The following TBC1D16 variants were observed in gnomAD, a reference collection of about 807,000 sequenced individuals.
TBC1D16 encodes the protein CTD-2529O21.1.
In TBC1D16, 58 loss-of-function variants were observed where a neutral mutation model predicts 74.7. That is an observed-to-expected ratio of 0.78 (90% CI 0.63 to 0.97). The LOEUF is 0.97. TBC1D16 is among the 50% of genes least tolerant of loss of function. TBC1D16 has a pLI of 0.00. For synonymous variants in TBC1D16, 493 were observed against 474.7 expected, an observed-to-expected ratio of 1.04 and a Z score of -0.50; for missense variants, 1,014 against 1,079.5, an observed-to-expected ratio of 0.94 and a Z score of 0.85.
intron 9 of TBC1D16, among the ~76,000 whole-genome samples, chr17:79,946,498 T>G (rs1442940693): frequency 6.6e-6 from 1 of 152,188 alleles, no homozygotes; most frequent in East Asian, 1.9e-4. Flanking sequence ...GATCCCATTC[T>G]ATGAGACACA....
At chr17:80,003,433 A>G (rs564456650) in intron 3 of TBC1D16, among the ~76,000 whole-genome samples, 4 of 152,138 alleles carry the variant, frequency 2.6e-5, no homozygotes, top group Admixed American at 6.5e-5. Flanking sequence ...ACGGGACCCA[A>G]GGTGGCAGGC....
rs962590547 is a variant in TBC1D16 at position 79,971,887 on chromosome 17, G to A, written c.780-19069C>T. 6.6e-6 allele frequency among the ~76,000 whole-genome samples: 1 copy of A among 152,176 alleles called. No homozygotes were observed. Among genetic ancestry groups the A allele is most frequent in the Non-Finnish European group, 1.5e-5 (1 of 68,032 alleles). Reference sequence around the variant, plus strand: ...GGTGGCATGGGGGCTGGCTGTGGGGGTCTTTGTGGGGAAGAAAGAGCCTGA... The same window carrying A: ...GGTGGCATGGGGGCTGGCTGTGGGGATCTTTGTGGGGAAGAAAGAGCCTGA... On this transcript the variant is annotated intron_variant, in intron 3 of 11. Coordinates refer to ENST00000310924, the MANE Select transcript of TBC1D16 (RefSeq NM_019020.4). This position sits in a 1 kb window ranked among gnomAD's most constrained non-coding sequence, Gnocchi z 4.6.
In TBC1D16 at chr17:80,009,519, G is replaced by T. The variant is rs1345138996; in HGVS notation, c.779+641C>A. ...AGCTCCTGCAAGTGTGGCCAGCAAG[G>T]AGTCCAGATACTCTGGCTGGACTCC... On this transcript the variant is annotated intron_variant, in intron 3 of 11. Transcript: ENST00000310924. This position sits in a 1 kb window ranked among gnomAD's most constrained non-coding sequence, Gnocchi z 5.4. 6.6e-6 allele frequency among the ~76,000 whole-genome samples: 1 copy of T among 152,228 alleles called. No individual in the cohort carries two copies. The highest frequency in any genetic ancestry group is 2.4e-5 in the African/African-American group (1 of 41,454).
Position 79,949,750 on chromosome 17 carries a change from T to A in TBC1D16, c.1373A>T (p.Lys458Met), listed in dbSNP as rs754510575. 1 of 1,613,198 alleles carries A rather than the reference T, an allele frequency of 6.2e-7. No individual in the cohort carries two copies. The highest frequency in any genetic ancestry group is 8.5e-7 in the Non-Finnish European group (1 of 1,179,838). Residue 458 changes from lysine to methionine, a missense_variant, in exon 7 of 12, where the codon AAG (lysine) becomes ATG (methionine). Physicochemically the swap from Lys to Met is moderately conservative, Grantham distance 95. Transcript: ENST00000310924. ...SEEREALRLQ[K>M]RKEYSEIQQK... ...CTGGATCTCAGAGTACTCCTTTCGCTTCTGCAGCCGCAGCGCCTCCCGCTC... is the reference window on the plus strand; with the variant it reads ...CTGGATCTCAGAGTACTCCTTTCGCATCTGCAGCCGCAGCGCCTCCCGCTC...
chr17:79,978,641 C>T (rs752989558), intron 3 of TBC1D16, among the ~76,000 whole-genome samples: 10 of 152,212 alleles, frequency 6.6e-5, no homozygotes, highest in Non-Finnish European at 1.5e-4. Flanking sequence ...AGTTTCTGAG[C>T]TTCCGTGGGT....
chr17:80,021,273 A>C lies in TBC1D16; in HGVS notation c.-62-7664T>G, dbSNP rs1045237243. On this transcript the variant is annotated intron_variant, in intron 1 of 11. Coordinates refer to ENST00000310924, the MANE Select transcript of TBC1D16 (RefSeq NM_019020.4). Reference sequence around the variant, plus strand: ...TCTCAAAAAACAAAAACAAACAAACAAACCAGCCTGGGCAACATAACAAGA... The same window carrying C: ...TCTCAAAAAACAAAAACAAACAAACCAACCAGCCTGGGCAACATAACAAGA... 6.7e-5 allele frequency among the ~76,000 whole-genome samples: 10 copies of C among 148,622 alleles called. 1 individual carries two copies. In the South Asian group the frequency reaches 1.3e-3, roughly 19 times the overall value.
At chr17:80,032,214 A>G (rs1238734349) in intron 1 of TBC1D16, among the ~76,000 whole-genome samples, 1 of 152,192 alleles carries the variant, frequency 6.6e-6, no homozygotes, top group Non-Finnish European at 1.5e-5. Flanking sequence ...ATCCAGAAAG[A>G]CCACGGAGAA....
chr17:80,031,219 T>TAATC (rs1254921058), intron 1 of TBC1D16, among the ~76,000 whole-genome samples: 1 of 152,184 alleles, frequency 6.6e-6, no homozygotes, highest in African/African-American at 2.4e-5. Flanking sequence ...ATCAGGAGGA[T>TAATC]AATCCCCTGC....
Position 80,010,864 on chromosome 17 carries a change from GT to G in TBC1D16, c.182-108del. On this transcript the variant is annotated intron_variant, in intron 2 of 11. Coordinates refer to ENST00000310924, the MANE Select transcript of TBC1D16 (RefSeq NM_019020.4). This position sits in a 1 kb window ranked among gnomAD's most constrained non-coding sequence, Gnocchi z 8.8. The stretch of plus-strand genomic sequence containing the variant: ...GGAGAGGCCACTGCCCTTTAGTAAA[GT>G]GCCAGTCCGGCCTCAGATACAGCCT... The G allele has an allele frequency of 1.3e-6, 1 of 756,544 alleles. No homozygotes were observed. Among genetic ancestry groups the G allele is most frequent in the Non-Finnish European group, 2.0e-6 (1 of 507,138 alleles). 46.9% of individuals were successfully genotyped at this position (756,544 alleles called of 1,614,324 possible). A position where few individuals can be genotyped will look rare whatever the true frequency, so the allele number is the denominator to read the frequency against.
At chr17:79,943,736 A>G in intron 10 of TBC1D16, 1 of 941,708 alleles carries the variant, frequency 1.1e-6, no homozygotes. Context: ...TTCTGACTAG[A>G]TCTCATTACA....
At chr17:80,030,672 A>C (rs2036744608) in intron 1 of TBC1D16, among the ~76,000 whole-genome samples, 1 of 152,214 alleles carries the variant, frequency 6.6e-6, no homozygotes, top group Non-Finnish European at 1.5e-5. Flanking sequence ...TGCAGCAGTC[A>C]GCAGGACAGA....
chr17:79,970,580 G>A (rs533716227), intron 3 of TBC1D16, among the ~76,000 whole-genome samples: 15 of 152,294 alleles, frequency 9.8e-5, no homozygotes, highest in African/African-American at 3.1e-4. Context: ...TGCAGACAAC[G>A]AGACAAGGTT....
At position 80,035,065 on chromosome 17, in the gene TBC1D16, G is replaced by C. The variant is rs528222515; in HGVS notation, c.-63+730C>G. ...TCTTTTCTATTCATTTCCTATTTCT[G>C]AATCAAATCTGAACTACTTTGTGGC... On this transcript the variant is annotated intron_variant, in intron 1 of 11. Transcript: ENST00000310924. The surrounding 1 kb of genome is among the most constrained non-coding windows in gnomAD (Gnocchi z 5.3). Among the ~76,000 whole-genome samples the C allele has an allele frequency of 6.6e-6, 1 of 152,252 alleles. No individual in the cohort carries two copies. Among genetic ancestry groups the C allele is most frequent in the African/African-American group, 2.4e-5 (1 of 41,558 alleles).
At chr17:80,019,508 T>C (rs1466921473) in intron 1 of TBC1D16, among the ~76,000 whole-genome samples, 2 of 146,002 alleles carry the variant, frequency 1.4e-5, no homozygotes, top group South Asian at 2.2e-4. Context: ...AGCATGTCTA[T>C]TAAACATTAG....
intron 2 of TBC1D16, among the ~76,000 whole-genome samples, chr17:80,011,509 G>A (rs920921486): frequency 3.3e-5 from 5 of 152,134 alleles, no homozygotes; most frequent in Admixed American, 6.5e-5. Flanking sequence ...GATGGAGGCT[G>A]GAGACTTCAT....
At position 80,013,464 on chromosome 17, in the gene TBC1D16, C is replaced by CCCGCTG. The variant is rs2035973553; in HGVS notation, c.78_83dup (p.Gly28_Ser29dup). On this transcript the variant is annotated inframe_insertion, in exon 2 of 12. Transcript: ENST00000310924. ...TCTCTCCATCCAGGACAGAGGGGGA[C>CCCGCTG]CCGCTGCCGCTGCCACCGGGGGTGA... 3 of 1,597,720 alleles carry CCCGCTG rather than the reference C, an allele frequency of 1.9e-6. No individual in the cohort carries two copies. Among genetic ancestry groups the CCCGCTG allele is most frequent in the Non-Finnish European group, 1.7e-6 (2 of 1,172,932 alleles).
intron 10 of TBC1D16, among the ~76,000 whole-genome samples, chr17:79,942,891 C>T (rs2032150272): frequency 6.6e-6 from 1 of 152,264 alleles, no homozygotes; most frequent in Non-Finnish European, 1.5e-5. Flanking sequence ...AAGACCGCCT[C>T]ACGGGGCCTG....
Position 79,951,557 on chromosome 17 carries a change from G to C in TBC1D16, c.982C>G (p.Arg328Gly), listed in dbSNP as rs748935195. The change falls in exon 5 of 12, where the codon CGA becomes GGA. Residue 328 changes from arginine to glycine, a missense_variant. Transcript: ENST00000310924. ...TGGAAAACCTTGTACTGGCTCTCTC[G>C]GCTGGCAACGACCAGCTGGCCGCTG... ...CTSGQLVVAS[R>G]ESQYKVFHFH... The C allele has an allele frequency of 6.2e-7, 1 of 1,613,992 alleles. No individual in the cohort carries two copies.
Position 80,000,735 on chromosome 17 carries a change from T to C in TBC1D16, c.779+9425A>G, listed in dbSNP as rs2035456355. ...CAGAGCTTTACACGCACGGCCTTCCTGAACCCCCACAATGCCCCCACTTCA... is the reference window on the plus strand; with the variant it reads ...CAGAGCTTTACACGCACGGCCTTCCCGAACCCCCACAATGCCCCCACTTCA... On this transcript the variant is annotated intron_variant, in intron 3 of 11. Transcript: ENST00000310924. The surrounding 1 kb of genome is among the most constrained non-coding windows in gnomAD (Gnocchi z 4.1). 6.6e-6 allele frequency among the ~76,000 whole-genome samples: 1 copy of C among 152,142 alleles called. No individual in the cohort carries two copies. Among genetic ancestry groups the C allele is most frequent in the South Asian group, 2.1e-4 (1 of 4,826 alleles).
Sources: gnomAD v4.1 joint callset for allele counts (sites outside exome capture counted in the v4.1 genomes callset) on GRCh38, gnomAD v4.1.1 for gene constraint, Gnocchi (gnomAD v3.1) non-coding constraint, MANE v1.5 for transcripts, NCBI Gene and HGNC (gene_info 2026-07-23, HGNC 2026-07-21) for gene names.